Variants in DENND5B observed in about 807,000 individuals in gnomAD.
DENND5B encodes the protein DENN domain containing 5B, also known as DENN domain-containing protein 5B.
DENND5B carries 34 observed loss-of-function variants against 140.6 expected under a neutral mutation model. The observed-to-expected ratio is 0.24, with a 90% CI of 0.18 to 0.32. DENND5B has a LOEUF of 0.32. DENND5B is among the 10% of genes least tolerant of loss of function. DENND5B has a pLI of 1.00. For missense variants in DENND5B, 1,142 were observed against 1,560.2 expected (o/e 0.73, Z 4.52); for synonymous variants, 551 against 562.1 (o/e 0.98, Z 0.28).
chr12:31,498,456 C>T (rs924640703), intron 1 of DENND5B, among the ~76,000 whole-genome samples: 5 of 151,990 alleles, frequency 3.3e-5, no homozygotes, highest in African/African-American at 9.7e-5. Context: ...AGGAAACCAC[C>T]TCCAGAAAGA....
intron 4 of DENND5B, among the ~76,000 whole-genome samples, chr12:31,457,954 T>G (rs935734993): frequency 6.6e-6 from 1 of 152,112 alleles, no homozygotes; most frequent in Non-Finnish European, 1.5e-5. Flanking sequence ...CACCTCGTGA[T>G]CCGCCCGCCT....
chr12:31,427,594 A>G (rs1479103849), intron 8 of DENND5B, among the ~76,000 whole-genome samples: 3 of 135,202 alleles, frequency 2.2e-5, no homozygotes, highest in African/African-American at 8.0e-5. Flanking sequence ...CAACTGAGCA[A>G]GACTCCATCT....
chr12:31,399,277 T>C (rs1941667414), intron 16 of DENND5B, among the ~76,000 whole-genome samples: 1 of 14,044 alleles, frequency 7.1e-5, no homozygotes, highest in Admixed American at 1.6e-3. Context: ...AAACAATTCT[T>C]TTTTTTTTTT....
intron 1 of DENND5B, among the ~76,000 whole-genome samples, chr12:31,501,610 C>T (rs892733523): frequency 6.6e-6 from 1 of 151,918 alleles, no homozygotes; most frequent in African/African-American, 2.4e-5. Flanking sequence ...CCTGTCTCCA[C>T]TAAAAATACA....
At chr12:31,551,377 A>C (rs141047106) in intron 1 of DENND5B, among the ~76,000 whole-genome samples, 226 of 152,216 alleles carry the variant, frequency 1.5e-3, no homozygotes, top group Non-Finnish European at 2.7e-3. Flanking sequence ...AGTTGTAGAT[A>C]TGCGGCATTA....
chr12:31,403,737 A>G (rs535704498), intron 14 of DENND5B, among the ~76,000 whole-genome samples: 1 of 151,498 alleles, frequency 6.6e-6, no homozygotes, highest in African/African-American at 2.4e-5. Flanking sequence ...CTCTACTAAA[A>G]ATACAAAAAT....
At chr12:31,497,460 T>C (rs1276089218) in intron 1 of DENND5B, among the ~76,000 whole-genome samples, 7 of 151,976 alleles carry the variant, frequency 4.6e-5, no homozygotes, top group African/African-American at 1.7e-4. Flanking sequence ...TTCTAGAGTA[T>C]GTAAGCATCA....
chr12:31,470,118 TTTTTTTTTTTC>T (rs1053383297), intron 3 of DENND5B, among the ~76,000 whole-genome samples: 55 of 145,260 alleles, frequency 3.8e-4, no homozygotes, highest in African/African-American at 1.2e-3. Context: ...TGGCTTTTTT[TTTTTTTTTTTC>T]TTTGGAGATG....
At chr12:31,574,267 A>AAAAAAAAAAT (rs141072772) in intron 1 of DENND5B, among the ~76,000 whole-genome samples, 3 of 89,718 alleles carry the variant, frequency 3.3e-5, no homozygotes, top group African/African-American at 9.2e-5. Flanking sequence ...TGTCTCTAAA[A>AAAAAAAAAAT]AATAATAATA....
intron 19 of DENND5B, among the ~76,000 whole-genome samples, chr12:31,390,179 A>G (rs1475638360): frequency 6.6e-6 from 1 of 152,242 alleles, no homozygotes; most frequent in African/African-American, 2.4e-5. Flanking sequence ...GAAAGATCAC[A>G]AAGCTTAGCA....
intron 1 of DENND5B, among the ~76,000 whole-genome samples, chr12:31,537,211 C>A (rs1948531624): frequency 6.6e-6 from 1 of 152,112 alleles, no homozygotes; most frequent in South Asian, 2.1e-4. Flanking sequence ...GTAAATTACT[C>A]TTATTTTAAG....
chr12:31,495,865 G>C lies in DENND5B; in HGVS notation c.182C>G (p.Ala61Gly), dbSNP rs1946742947. The C allele has an allele frequency of 6.2e-7, 1 of 1,613,096 alleles. No homozygotes were observed. Among genetic ancestry groups the C allele is most frequent in the South Asian group, 1.1e-5 (1 of 90,894 alleles). The change falls in exon 2 of 21, where the codon GCC (alanine) becomes GGC (glycine). Residue 61 changes from alanine to glycine, a missense_variant. Transcript: ENST00000389082. Reference sequence around the variant, plus strand: ...CCATTCTATATTCTGAGGATAGTGGGCGAGAACTTTGGATTTGAATGTTCT... The same window carrying C: ...CCATTCTATATTCTGAGGATAGTGGCCGAGAACTTTGGATTTGAATGTTCT... ...LRRTFKSKVL[A>G]HYPQNIEWNP...
chr12:31,583,509 T>C (rs2139495109), intron 1 of DENND5B, among the ~76,000 whole-genome samples: 1 of 151,152 alleles, frequency 6.6e-6, no homozygotes, highest in South Asian at 2.1e-4. Context: ...AAACTCCGTC[T>C]CTACCAAAAA....
intron 1 of DENND5B, among the ~76,000 whole-genome samples, chr12:31,535,405 G>GAC (rs1948452826): frequency 1.3e-5 from 2 of 151,666 alleles, no homozygotes; most frequent in African/African-American, 4.9e-5. Context: ...AAGAGAGAGA[G>GAC]AGAGACACAC....
rs1686170266 is a variant in DENND5B, at chr12:31,385,050, G to T, written c.*2553C>A. 6.6e-6 allele frequency: 1 copy of T among 152,066 alleles called. No homozygotes were observed. Among genetic ancestry groups the T allele is most frequent in the Admixed American group, 6.6e-5 (1 of 15,262 alleles). The allele number at this position is 152,066 out of a possible 1,614,324, so 9.4% of individuals were successfully genotyped here. On this transcript the variant is annotated 3_prime_UTR_variant, in exon 21 of 21. Coordinates refer to ENST00000389082, the MANE Select transcript of DENND5B (RefSeq NM_144973.4). ...CCGCCTCAGACTCCCAAAGTGTCAG[G>T]ATTACAGGCGTTAGCCACCGTACCT...
At chr12:31,395,613 A>C (rs1240256162) in intron 17 of DENND5B, among the ~76,000 whole-genome samples, 1 of 152,020 alleles carries the variant, frequency 6.6e-6, no homozygotes, top group African/African-American at 2.4e-5. Flanking sequence ...AAAACAAAAC[A>C]AAAAAACAAA....
chr12:31,565,175 G>C (rs970495826), intron 1 of DENND5B, among the ~76,000 whole-genome samples: 2 of 152,056 alleles, frequency 1.3e-5, no homozygotes, highest in African/African-American at 4.8e-5. Context: ...CAGAGGCCAA[G>C]GCAGGTGGCT....
chr12:31,395,571 C>T (rs1310861960), intron 17 of DENND5B, among the ~76,000 whole-genome samples: 1 of 151,962 alleles, frequency 6.6e-6, no homozygotes, highest in Non-Finnish European at 1.5e-5. Context: ...CCAGCATGGC[C>T]AACAAGAGCG....
intron 1 of DENND5B, among the ~76,000 whole-genome samples, chr12:31,538,191 T>C (rs1039184157): frequency 1.3e-5 from 2 of 152,188 alleles, no homozygotes; most frequent in African/African-American, 4.8e-5. Flanking sequence ...TAACATTTCA[T>C]CCCAAAGCTG....
Sources: gnomAD v4.1 joint callset for allele counts (sites outside exome capture counted in the v4.1 genomes callset) on GRCh38, gnomAD v4.1.1 for gene constraint, MANE v1.5 for transcripts, NCBI Gene and HGNC (gene_info 2026-07-23, HGNC 2026-07-21) for gene names.